The following USP31 variants were observed in gnomAD, a reference collection of about 807,000 sequenced individuals.
USP31 encodes the protein ubiquitin carboxyl-terminal hydrolase 31.
A neutral mutation model predicts 119.4 loss-of-function variants in USP31; 44 were observed. That is an observed-to-expected ratio of 0.37 (90% confidence interval 0.29 to 0.47). The LOEUF (loss-of-function observed/expected upper bound fraction) is 0.47, where lower values mean the gene tolerates loss of function less well. Ranked by LOEUF, USP31 falls within the 20% of genes least tolerant of loss-of-function variation. The probability of loss-of-function intolerance (pLI) is 0.99; values close to 1 mark genes in which losing one functional copy is unlikely to be tolerated. For synonymous variants in USP31, 749 were observed against 705.6 expected (o/e 1.06, Z -0.97); for missense variants, 1,643 against 1,730.2 (o/e 0.95, Z 0.89).
intron 12 of USP31, among the ~76,000 whole-genome samples, chr16:23,080,525 T>C (rs1900774427): frequency 6.6e-6 from 1 of 152,122 alleles, no homozygotes; most frequent in African/African-American, 2.4e-5. Context: ...AAACTAATGA[T>C]GTGATGGCTC....
intron 13 of USP31, among the ~76,000 whole-genome samples, chr16:23,077,676 G>T (rs1900639715): frequency 6.6e-6 from 1 of 152,148 alleles, no homozygotes; most frequent in Non-Finnish European, 1.5e-5. Flanking sequence ...TCCCTGAGAA[G>T]TATACATATA....
intron 1 of USP31, among the ~76,000 whole-genome samples, chr16:23,112,537 T>C (rs1012530264): frequency 1.8e-4 from 28 of 151,814 alleles, no homozygotes; most frequent in Admixed American, 3.9e-4. Flanking sequence ...AACGCGCCAT[T>C]GCACTCCAGC....
At chr16:23,083,497 C>G (rs372350048) in intron 11 of USP31, among the ~76,000 whole-genome samples, 1 of 150,742 alleles carries the variant, frequency 6.6e-6, no homozygotes, top group Non-Finnish European at 1.5e-5. Flanking sequence ...TGCTACCATT[C>G]TAGATCAGTG....
At chr16:23,133,412 G>A (rs1264789572) in intron 1 of USP31, among the ~76,000 whole-genome samples, 2 of 152,174 alleles carry the variant, frequency 1.3e-5, no homozygotes, top group African/African-American at 2.4e-5. Context: ...ACAGAGATTC[G>A]ATGTTGAATA....
intron 1 of USP31, among the ~76,000 whole-genome samples, chr16:23,111,801 G>A (rs374385818): frequency 6.6e-6 from 1 of 152,134 alleles, no homozygotes; most frequent in South Asian, 2.1e-4. Flanking sequence ...CAAATGAAGA[G>A]AGCTTCATGA....
At chr16:23,078,413 C>A (rs28700957) in intron 13 of USP31, among the ~76,000 whole-genome samples, 1 of 151,966 alleles carries the variant, frequency 6.6e-6, no homozygotes, top group Non-Finnish European at 1.5e-5. Flanking sequence ...AGAAGGCATG[C>A]GCCACTCACC....
chr16:23,068,590 G>A lies in USP31; in HGVS notation c.3515C>T (p.Ser1172Phe). 1 of 1,614,200 alleles carries A rather than the reference G, an allele frequency of 6.2e-7. No homozygotes were observed. Among genetic ancestry groups the A allele is most frequent in the Non-Finnish European group, 8.5e-7 (1 of 1,180,038 alleles). Reference sequence around the variant, plus strand: ...CCGAGGGGAATTGGGTTTGGAGGTGGAGGTGGCGCTGGCTCTGTCAGAACC... The same window carrying A: ...CCGAGGGGAATTGGGTTTGGAGGTGAAGGTGGCGCTGGCTCTGTCAGAACC... Reference protein sequence around the residue: ...SLGSDRASATSTSKPNSPRVS... With the variant: ...SLGSDRASATFTSKPNSPRVS... The change falls in exon 16 of 16, where the codon TCC becomes TTC. Residue 1172 changes from serine to phenylalanine, a missense_variant. Physicochemically the swap from Ser to Phe is radical, Grantham distance 155. Coordinates refer to ENST00000219689, the MANE Select transcript of USP31 (RefSeq NM_020718.4).
chr16:23,133,533 A>T (rs890446196), intron 1 of USP31, among the ~76,000 whole-genome samples: 2 of 152,192 alleles, frequency 1.3e-5, no homozygotes, highest in African/African-American at 4.8e-5. Flanking sequence ...CAGTTCATAC[A>T]ACATGGGGAT....
rs1047016642 is a variant in USP31, at chr16:23,062,265, C to T, written c.*5781G>A. 1.3e-5 allele frequency: 2 copies of T among 152,348 alleles called. No homozygotes were observed. The highest frequency in any genetic ancestry group is 2.9e-5 in the Non-Finnish European group (2 of 68,024). The allele number at this position is 152,348 out of a possible 1,614,324, so 9.4% of individuals were successfully genotyped here. ...CAGATTAAAACTAAATTTTATTTGCCTCCACAGTTAACACAGAGTGCCAAA... is the reference window on the plus strand; with the variant it reads ...CAGATTAAAACTAAATTTTATTTGCTTCCACAGTTAACACAGAGTGCCAAA... On this transcript the variant is annotated 3_prime_UTR_variant, in exon 16 of 16. Transcript: ENST00000219689.
intron 1 of USP31, among the ~76,000 whole-genome samples, chr16:23,146,824 AAAG>A: frequency 6.6e-6 from 1 of 152,200 alleles, no homozygotes; most frequent in African/African-American, 2.4e-5. Context: ...ATGTTGTTAT[AAAG>A]AAGCTTTATA....
chr16:23,106,511 T>G (rs746687626), intron 2 of USP31, 24 bp from the exon 3 acceptor site: 5 of 1,582,300 alleles, frequency 3.2e-6, no homozygotes, highest in Non-Finnish European at 4.3e-6. Flanking sequence ...AAAGTACAAC[T>G]TCACAGACTA....
chr16:23,145,764 G>A (rs949378412), intron 1 of USP31, among the ~76,000 whole-genome samples: 1 of 152,156 alleles, frequency 6.6e-6, no homozygotes, highest in African/African-American at 2.4e-5. Context: ...ATCCACCTCC[G>A]GAATCACTGT....
In USP31 at chr16:23,063,305, T is replaced by C. The variant is rs374878952; in HGVS notation, c.*4741A>G. On this transcript the variant is annotated 3_prime_UTR_variant, in exon 16 of 16. Transcript: ENST00000219689. ...CTGCACAACACTCCCAGAAATTCCA[T>C]GGGCTTAGTCTAATTGTGATCAGTG... The C allele has an allele frequency of 3.9e-5, 6 of 152,426 alleles. No homozygotes were observed. In the East Asian group the frequency reaches 7.7e-4, roughly 20 times the overall value. 9.4% of individuals were successfully genotyped at this position (152,426 alleles called of 1,614,324 possible). A position where few individuals can be genotyped will look rare whatever the true frequency, so the allele number is the denominator to read the frequency against.
chr16:23,132,272 G>C (rs1903052659), intron 1 of USP31, among the ~76,000 whole-genome samples: 1 of 151,174 alleles, frequency 6.6e-6, no homozygotes, highest in Non-Finnish European at 1.5e-5. Flanking sequence ...AAGCAACAGA[G>C]GACATAACTT....
chr16:23,083,887 C>T (rs1284659372), intron 11 of USP31, among the ~76,000 whole-genome samples: 1 of 152,046 alleles, frequency 6.6e-6, no homozygotes, highest in Non-Finnish European at 1.5e-5. Flanking sequence ...AGACAGAGAA[C>T]AACTGTTGGC....
At chr16:23,141,261 TCAAGTGTACCC>T (rs1903343899) in intron 1 of USP31, among the ~76,000 whole-genome samples, 4 of 152,160 alleles carry the variant, frequency 2.6e-5, no homozygotes, top group Admixed American at 1.3e-4. Flanking sequence ...TGTCAGACTT[TCAAGTGTACCC>T]TCAGCTCTTT....
Position 23,090,928 on chromosome 16 carries a change from A to T in USP31, c.1235-124T>A, listed in dbSNP as rs796999990. 2.7e-5 allele frequency: 24 copies of T among 892,354 alleles called. 1 individual carries two copies. In the African/African-American group the frequency reaches 3.5e-4, roughly 13 times the overall value. The allele number at this position is 892,354 out of a possible 1,614,324, so 55.3% of individuals were successfully genotyped here. A position where few individuals can be genotyped will look rare whatever the true frequency, so the allele number is the denominator to read the frequency against. On this transcript the variant is annotated intron_variant, in intron 6 of 15. Coordinates refer to ENST00000219689, the MANE Select transcript of USP31 (RefSeq NM_020718.4). ...ATGTCATTATGTAAATTAAACTGCA[A>T]TCAAAAAAAGAAACATCCTACTTAG...
intron 12 of USP31, among the ~76,000 whole-genome samples, chr16:23,081,030 C>A (rs1900797724): frequency 6.6e-6 from 1 of 152,164 alleles, no homozygotes; most frequent in Non-Finnish European, 1.5e-5. Flanking sequence ...CAATTAAAAT[C>A]ATTGCAACAG....
At chr16:23,129,149 A>G (rs1902953821) in intron 1 of USP31, among the ~76,000 whole-genome samples, 1 of 152,198 alleles carries the variant, frequency 6.6e-6, no homozygotes, top group Non-Finnish European at 1.5e-5. Context: ...ATTAGTCCTA[A>G]ACCACAAATA....
Sources: gnomAD v4.1 joint callset for allele counts (sites outside exome capture counted in the v4.1 genomes callset) on GRCh38, gnomAD v4.1.1 for gene constraint, MANE v1.5 for transcripts, NCBI Gene and HGNC (gene_info 2026-07-23, HGNC 2026-07-21) for gene names.